The following FHIP1A variants were observed in gnomAD, a reference collection of about 807,000 sequenced individuals.
FHIP1A encodes the protein FHF complex subunit HOOK interacting protein 1A.
FHIP1A carries 61 observed loss-of-function variants against 88.6 expected under a neutral mutation model. The ratio of observed to expected loss-of-function variants is 0.69; its 90% CI spans 0.56 to 0.85. The LOEUF (loss-of-function observed/expected upper bound fraction) is 0.85. Ranked by LOEUF, FHIP1A falls within the 40% of genes least tolerant of loss-of-function variation. The probability of loss-of-function intolerance (pLI) is 0.00; values close to 1 mark genes in which losing one functional copy is unlikely to be tolerated. For synonymous variants in FHIP1A, 478 were observed against 496.0 expected (o/e 0.96, Z 0.48); for missense variants, 1,154 against 1,273.5 (o/e 0.91, Z 1.43).
At chr4:151,498,781 C>G (rs1308310732) in intron 3 of FHIP1A, among the ~76,000 whole-genome samples, 2 of 152,076 alleles carry the variant, frequency 1.3e-5, no homozygotes, top group East Asian at 1.9e-4. Flanking sequence ...ACGCCACTGC[C>G]CTCCAGCCTG....
intron 3 of FHIP1A, among the ~76,000 whole-genome samples, chr4:151,537,377 A>C (rs890500933): frequency 6.6e-6 from 1 of 152,158 alleles, no homozygotes; most frequent in African/African-American, 2.4e-5. Flanking sequence ...AGTAATGTTG[A>C]ACTTTTTTCA....
At chr4:151,576,283 T>C (rs1418222880) in intron 4 of FHIP1A, among the ~76,000 whole-genome samples, 2 of 152,136 alleles carry the variant, frequency 1.3e-5, no homozygotes, top group Non-Finnish European at 2.9e-5. Context: ...TGTGGTAAAG[T>C]ATATATAACA....
intron 3 of FHIP1A, among the ~76,000 whole-genome samples, chr4:151,491,311 A>G (rs376686321): frequency 6.6e-6 from 1 of 152,358 alleles, no homozygotes; most frequent in East Asian, 1.9e-4. Context: ...AAACCCTACA[A>G]GCCAGAAGGG....
At chr4:151,524,199 G>T (rs959150380) in intron 3 of FHIP1A, among the ~76,000 whole-genome samples, 2 of 152,046 alleles carry the variant, frequency 1.3e-5, no homozygotes, top group African/African-American at 2.4e-5. Context: ...CTACTTGGGA[G>T]GCTGAGGCAG....
intron 1 of FHIP1A, among the ~76,000 whole-genome samples, chr4:151,412,632 C>T (rs1364718065): frequency 1.0e-4 from 13 of 129,650 alleles, no homozygotes; most frequent in African/African-American, 3.7e-4. Flanking sequence ...CCCTCCCTCC[C>T]TCCCTCCCTC....
chr4:151,465,916 T>C (rs1729296296), intron 2 of FHIP1A, among the ~76,000 whole-genome samples: 1 of 152,148 alleles, frequency 6.6e-6, no homozygotes, highest in Non-Finnish European at 1.5e-5. Context: ...TCCAATATTA[T>C]ACTGAATGGG....
intron 9 of FHIP1A, among the ~76,000 whole-genome samples, chr4:151,644,248 C>T (rs1438894873): frequency 6.6e-6 from 1 of 152,130 alleles, no homozygotes; most frequent in Non-Finnish European, 1.5e-5. Flanking sequence ...TCACCCCAGC[C>T]ACCTCATAGA....
In FHIP1A at chr4:151,427,482, G is replaced by A. The variant is rs555325848; in HGVS notation, c.-356+18017G>A. ...CTTCTTTATGTTTGCGCTGAGCTGTGGTACAAATTGTTCTCTATAAGTCAG... is the reference window on the plus strand; with the variant it reads ...CTTCTTTATGTTTGCGCTGAGCTGTAGTACAAATTGTTCTCTATAAGTCAG... On this transcript the variant is annotated intron_variant, in intron 1 of 13. Transcript: ENST00000435205. Among the ~76,000 whole-genome samples the A allele has an allele frequency of 1.5e-3, 225 of 152,090 alleles. 1 individual carries two copies. Among genetic ancestry groups the A allele is most frequent in the African/African-American group, 4.9e-3 (205 of 41,530 alleles).
intron 7 of FHIP1A, among the ~76,000 whole-genome samples, chr4:151,610,102 G>A (rs1048556665): frequency 6.6e-6 from 1 of 152,140 alleles, no homozygotes; most frequent in Non-Finnish European, 1.5e-5. Context: ...CCACTTGCTA[G>A]CTCTGTGCCT....
chr4:151,594,971 A>G (rs966704856), intron 7 of FHIP1A, among the ~76,000 whole-genome samples: 2 of 152,178 alleles, frequency 1.3e-5, no homozygotes, highest in Non-Finnish European at 2.9e-5. Context: ...CTTTTCAAAA[A>G]ACCAGCTTCT....
At chr4:151,612,031 A>G (rs1268721442) in intron 7 of FHIP1A, among the ~76,000 whole-genome samples, 4 of 152,238 alleles carry the variant, frequency 2.6e-5, no homozygotes, top group East Asian at 3.8e-4. Flanking sequence ...ACATAATTCC[A>G]GAGATTATCT....
At chr4:151,471,047 A>T (rs188473157) in intron 2 of FHIP1A, among the ~76,000 whole-genome samples, 1 of 152,124 alleles carries the variant, frequency 6.6e-6, no homozygotes, top group Non-Finnish European at 1.5e-5. Context: ...TGTTGTTTCA[A>T]TCTGAGGGGA....
At chr4:151,588,612 T>A (rs902694329) in intron 6 of FHIP1A, among the ~76,000 whole-genome samples, 4 of 152,206 alleles carry the variant, frequency 2.6e-5, no homozygotes, top group Non-Finnish European at 5.9e-5. Context: ...ACCAATATTA[T>A]GTTTGAAAGT....
chr4:151,650,391 A>G lies in FHIP1A; in HGVS notation c.2350A>G (p.Lys784Glu), dbSNP rs1736982930. 5 of 1,551,572 alleles carry G rather than the reference A, an allele frequency of 3.2e-6. No individual in the cohort carries two copies. Among genetic ancestry groups the G allele is most frequent in the Non-Finnish European group, 3.5e-6 (4 of 1,146,988 alleles). ...YPTPDPLLLT[K>E]EEEGKEESKG... ...CACACCTGATCCCTTGCTTCTCACTAAGGAGGAAGAAGGGAAGGAAGAGAG... is the reference window on the plus strand; with the variant it reads ...CACACCTGATCCCTTGCTTCTCACTGAGGAGGAAGAAGGGAAGGAAGAGAG... The change falls in exon 11 of 14, where the codon AAG becomes GAG. Residue 784 changes from lysine to glutamate, a missense_variant. Lys to Glu is a moderately conservative substitution (Grantham distance 56, BLOSUM62 1). Transcript: ENST00000435205.
intron 3 of FHIP1A, among the ~76,000 whole-genome samples, chr4:151,518,065 A>G (rs186017862): frequency 6.6e-6 from 1 of 152,380 alleles, no homozygotes; most frequent in East Asian, 1.9e-4. Context: ...GTGTACAGTC[A>G]TGTCCTAGGC....
intron 2 of FHIP1A, among the ~76,000 whole-genome samples, chr4:151,480,170 T>G (rs1380541144): frequency 6.6e-6 from 1 of 152,104 alleles, no homozygotes; most frequent in Non-Finnish European, 1.5e-5. Context: ...GATGTCATTC[T>G]GTGCATTACT....
intron 3 of FHIP1A, among the ~76,000 whole-genome samples, chr4:151,485,290 T>A (rs1211533308): frequency 6.6e-6 from 1 of 150,416 alleles, no homozygotes; most frequent in Non-Finnish European, 1.5e-5. Flanking sequence ...CAGTTTTTTT[T>A]TTTTTTTTTT....
chr4:151,627,515 GT>G (rs2126873827), intron 7 of FHIP1A, among the ~76,000 whole-genome samples: 1 of 152,318 alleles, frequency 6.6e-6, no homozygotes, highest in South Asian at 2.1e-4. Context: ...AAAATATTGT[GT>G]TACAGAAACT....
At chr4:151,473,126 G>T (rs1729583888) in intron 2 of FHIP1A, among the ~76,000 whole-genome samples, 1 of 152,114 alleles carries the variant, frequency 6.6e-6, no homozygotes, top group African/African-American at 2.4e-5. Flanking sequence ...GTTTGTAAAT[G>T]TAATAGCAGT....
Sources: allele counts gnomAD v4.1 joint callset (sites outside exome capture counted in the v4.1 genomes callset), GRCh38; gene constraint gnomAD v4.1.1; transcripts MANE v1.5; gene names NCBI Gene and HGNC (gene_info 2026-07-23, HGNC 2026-07-21).